The following TPO variants were observed in gnomAD, a reference collection of about 807,000 sequenced individuals.
TPO encodes thyroid microsomal antigen.
In TPO, 78 loss-of-function variants were observed where a neutral mutation model predicts 96.9. That is an observed-to-expected ratio of 0.81 (90% CI 0.67 to 0.97). The LOEUF is 0.97. Ranked by LOEUF, TPO falls within the 50% of genes least tolerant of loss-of-function variation. The probability of loss-of-function intolerance (pLI) is 0.00; values close to 1 mark genes in which losing one functional copy is unlikely to be tolerated. For synonymous variants in TPO, 547 were observed against 538.0 expected, an observed-to-expected ratio of 1.02 and a Z score of -0.23; for missense variants, 1,252 against 1,274.8, an observed-to-expected ratio of 0.98 and a Z score of 0.27.
At chr2:1,407,213 T>A (rs1385021389) in intron 1 of TPO, among the ~76,000 whole-genome samples, 1 of 152,188 alleles carries the variant, frequency 6.6e-6, no homozygotes, top group Non-Finnish European at 1.5e-5. Context: ...CCAAATACCC[T>A]TAGAAATACA....
intron 15 of TPO, among the ~76,000 whole-genome samples, chr2:1,523,867 A>G (rs1675784824): frequency 1.2e-5 from 1 of 83,670 alleles, no homozygotes; most frequent in Non-Finnish European, 2.2e-5. Context: ...AGCTCCCCAA[A>G]TCCCCCCAGT....
At chr2:1,483,725 T>C (rs1411157173) in intron 8 of TPO, among the ~76,000 whole-genome samples, 1 of 152,166 alleles carries the variant, frequency 6.6e-6, no homozygotes, top group Admixed American at 6.5e-5. Flanking sequence ...TCCTTGTCTG[T>C]CCAGGTCTCC....
At chr2:1,424,315 A>T (rs55824935) in intron 3 of TPO, among the ~76,000 whole-genome samples, 122,581 of 151,532 alleles carry the variant, frequency 0.81, 49,654 homozygotes, top group South Asian at 0.9. Context: ...AGGTTTTATG[A>T]GCTTCACAGA....
chr2:1,384,367 T>G (rs1326512218), intron 1 of TPO, among the ~76,000 whole-genome samples: 1 of 152,220 alleles, frequency 6.6e-6, no homozygotes, highest in Non-Finnish European at 1.5e-5. Flanking sequence ...TCCATTTGTT[T>G]GTATCCTCTT....
chr2:1,461,865 G>A (rs1025562418), intron 7 of TPO, among the ~76,000 whole-genome samples: 2 of 152,172 alleles, frequency 1.3e-5, no homozygotes, highest in African/African-American at 4.8e-5. Context: ...GGGCAGGGGG[G>A]GCCGTGGCGA....
At chr2:1,525,899 T>TGCAACCTCCTCAAATCCCCCCACTGTGC (rs769137337) in intron 15 of TPO, among the ~76,000 whole-genome samples, 1 of 137,268 alleles carries the variant, frequency 7.3e-6, no homozygotes, top group Non-Finnish European at 1.6e-5. Flanking sequence ...CAATACTGTG[T>TGCAACCTCCTCAAATCCCCCCACTGTGC]GCAACCTCCT....
chr2:1,524,310 TGCAACCACCCCAAATCCCCCTACTGTAA>T, intron 15 of TPO, among the ~76,000 whole-genome samples: 1 of 130,122 alleles, frequency 7.7e-6, no homozygotes, highest in African/African-American at 3.0e-5. Flanking sequence ...CCACACTGTG[TGCAACCACCCCAAATCCCCCTACTGTAA>T]GCAACCTCCC....
intron 14 of TPO, among the ~76,000 whole-genome samples, chr2:1,509,486 C>A (rs1005538544): frequency 1.3e-5 from 2 of 151,856 alleles, no homozygotes; most frequent in African/African-American, 2.4e-5. Flanking sequence ...TTGAGGGACA[C>A]CCCACCCTCT....
intron 5 of TPO, among the ~76,000 whole-genome samples, chr2:1,440,507 T>G (rs1012469320): frequency 2.0e-5 from 3 of 152,240 alleles, no homozygotes; most frequent in Admixed American, 2.0e-4. Context: ...TTGTATGGTG[T>G]AGTCGGTGCC....
chr2:1,396,136 ATCTCCCC>A (rs1422826954), intron 1 of TPO, among the ~76,000 whole-genome samples: 7 of 152,166 alleles, frequency 4.6e-5, no homozygotes, highest in Admixed American at 2.6e-4. Context: ...CCCAGGCCCC[ATCTCCCC>A]TTGGAAAGGG....
chr2:1,455,749 G>A (rs968003873), intron 6 of TPO, among the ~76,000 whole-genome samples: 2 of 152,174 alleles, frequency 1.3e-5, no homozygotes, highest in Non-Finnish European at 2.9e-5. Flanking sequence ...AAGCCTGGCT[G>A]TTTTGTCAAT....
chr2:1,526,510 C>A (rs951205261), intron 15 of TPO, among the ~76,000 whole-genome samples: 6 of 137,530 alleles, frequency 4.4e-5, no homozygotes, highest in Non-Finnish European at 9.4e-5. Context: ...GTGCAACCCC[C>A]GCAAATCCTC....
chr2:1,380,287 G>A (rs11890194), intron 1 of TPO, among the ~76,000 whole-genome samples: 8,781 of 151,424 alleles, frequency 0.058, 666 homozygotes, highest in East Asian at 0.3. Context: ...CCAGCTACTC[G>A]GGAGGCTGAG....
rs753701275 is a variant in TPO at position 1,433,430 on chromosome 2, T to G, written c.180-8T>G. On this transcript the variant is annotated splice_polypyrimidine_tract_variant and splice_region_variant and intron_variant, in intron 3 of 16. Coordinates refer to ENST00000329066, the MANE Select transcript of TPO (RefSeq NM_001206744.2). ...TAATCTATTTTATATCTTCTTTATG[T>G]GCCATAGAAACCTCAAGAAAAGAGG... The G allele has an allele frequency of 3.1e-6, 5 of 1,614,184 alleles. No homozygotes were observed. In the Admixed American group the frequency reaches 8.3e-5, roughly 27 times the overall value.
chr2:1,500,537 C>T (rs2124975780), intron 13 of TPO, among the ~76,000 whole-genome samples: 1 of 152,244 alleles, frequency 6.6e-6, no homozygotes, highest in Admixed American at 6.5e-5. Flanking sequence ...TCAGTGAAAC[C>T]TCATCAACAC....
upstream of TPO, among the ~76,000 whole-genome samples, chr2:1,408,562 C>G (rs986646384): frequency 6.6e-6 from 1 of 152,060 alleles, no homozygotes; most frequent in Admixed American, 6.6e-5. Context: ...GAAACTGAAA[C>G]GCAAAAAAGA....
intron 7 of TPO, among the ~76,000 whole-genome samples, chr2:1,461,819 T>C (rs11683914): frequency 0.57 from 87,379 of 152,010 alleles, 25,477 homozygotes; most frequent in East Asian, 0.78. Flanking sequence ...TCTGCTGACA[T>C]GCGGACCCTG....
intron 15 of TPO, among the ~76,000 whole-genome samples, chr2:1,522,789 CACCACTGTGTGCAACCCCCCAAA>C (rs1675467266): frequency 1.1e-5 from 1 of 88,904 alleles, no homozygotes; most frequent in Non-Finnish European, 2.4e-5. Flanking sequence ...CCTCAAATCC[CACCACTGTGTGCAACCCCCCAAA>C]TCTCCCCCAC....
At chr2:1,475,772 C>T (rs56659108) in intron 7 of TPO, among the ~76,000 whole-genome samples, 17,474 of 152,252 alleles carry the variant, frequency 0.11, 1,196 homozygotes, top group East Asian at 0.28. Context: ...GTTTAATGCA[C>T]GATCTTTTTT....
Sources: gnomAD v4.1 joint callset for allele counts (sites outside exome capture counted in the v4.1 genomes callset) on GRCh38, gnomAD v4.1.1 for gene constraint, MANE v1.5 for transcripts, NCBI Gene and HGNC (gene_info 2026-07-23, HGNC 2026-07-21) for gene names.